Variants in SHANK2 observed in about 807,000 individuals in gnomAD.
SHANK2 encodes SH3 and multiple ankyrin repeat domains 2, also known as SH3 and multiple ankyrin repeat domains protein 2.
A neutral mutation model predicts 133.7 loss-of-function variants in SHANK2; 43 were observed. The ratio of observed to expected loss-of-function variants is 0.32; its 90% CI spans 0.25 to 0.41. The LOEUF (loss-of-function observed/expected upper bound fraction) is 0.41. SHANK2 is among the 10% of genes least tolerant of loss of function. SHANK2 has a pLI of 1.00. For missense variants in SHANK2, 1,994 were observed against 2,235.8 expected (o/e 0.89, Z 2.18); for synonymous variants, 1,017 against 952.8 (o/e 1.07, Z -1.24).
chr11:70,472,515 G>A lies in SHANK2; in HGVS notation c.*354C>T, dbSNP rs2058609051. 1 of 369,414 alleles carries A rather than the reference G, an allele frequency of 2.7e-6. No individual in the cohort carries two copies. The highest frequency in any genetic ancestry group is 5.2e-6 in the Non-Finnish European group (1 of 193,398). The allele number at this position is 369,414 out of a possible 1,614,324, so 22.9% of individuals were successfully genotyped here. Reference sequence around the variant, plus strand: ...CAGGAGGTATCTAGAGTGCACTGGTGTCTGCCTACAAGAGCTAGGATCCCG... The same window carrying A: ...CAGGAGGTATCTAGAGTGCACTGGTATCTGCCTACAAGAGCTAGGATCCCG... On this transcript the variant is annotated 3_prime_UTR_variant, in exon 26 of 26. Coordinates refer to ENST00000601538, the MANE Select transcript of SHANK2 (RefSeq NM_012309.5). The surrounding 1 kb of genome is among the most constrained non-coding windows in gnomAD (Gnocchi z 4.4).
intron 10 of SHANK2, among the ~76,000 whole-genome samples, chr11:70,932,857 A>G (rs1344590827): frequency 6.6e-6 from 1 of 152,254 alleles, no homozygotes; most frequent in Non-Finnish European, 1.5e-5. Flanking sequence ...AAGGAAAAAG[A>G]AAATTACAAG....
rs1482969265 is a variant in SHANK2, at chr11:70,569,863, G to A, written c.2062-66932C>T. 2.0e-5 allele frequency among the ~76,000 whole-genome samples: 3 copies of A among 152,114 alleles called. No individual in the cohort carries two copies. The highest frequency in any genetic ancestry group is 7.2e-5 in the African/African-American group (3 of 41,404). Reference sequence around the variant, plus strand: ...GGCCGGCACAAAGAAGCAAGGGCAGGAGGTCAGTACGAGGAGACGGGGACG... The same window carrying A: ...GGCCGGCACAAAGAAGCAAGGGCAGAAGGTCAGTACGAGGAGACGGGGACG... On this transcript the variant is annotated intron_variant, in intron 17 of 25. Coordinates refer to ENST00000601538, the MANE Select transcript of SHANK2 (RefSeq NM_012309.5). The surrounding 1 kb of genome is among the most constrained non-coding windows in gnomAD (Gnocchi z 5.1).
chr11:70,492,977 G>A (rs2058916482), intron 21 of SHANK2, among the ~76,000 whole-genome samples: 2 of 151,630 alleles, frequency 1.3e-5, no homozygotes, highest in African/African-American at 4.8e-5. Flanking sequence ...TGTATTTTTA[G>A]TAGAGACGGA....
At chr11:70,594,641 G>A (rs558143046) in intron 17 of SHANK2, among the ~76,000 whole-genome samples, 3 of 152,180 alleles carry the variant, frequency 2.0e-5, no homozygotes, top group African/African-American at 7.2e-5. Context: ...TGGGTCCAGG[G>A]TTTCATTCTA....
At chr11:71,199,495 G>C (rs1264320176) in intron 2 of SHANK2, among the ~76,000 whole-genome samples, 1 of 152,238 alleles carries the variant, frequency 6.6e-6, no homozygotes, top group Admixed American at 6.5e-5. Context: ...GCCCCAGGAA[G>C]AGGCACTTCA....
intron 17 of SHANK2, among the ~76,000 whole-genome samples, chr11:70,606,965 T>C (rs2060587326): frequency 6.6e-6 from 1 of 152,200 alleles, no homozygotes; most frequent in Admixed American, 6.5e-5. Flanking sequence ...TCATGTCGTC[T>C]GTGTCTGCAG....
intron 2 of SHANK2, among the ~76,000 whole-genome samples, chr11:71,203,150 A>G (rs1470195796): frequency 6.6e-6 from 1 of 152,124 alleles, no homozygotes; most frequent in Non-Finnish European, 1.5e-5. Context: ...ACACCAGCGT[A>G]ATGACCATCT....
rs2000604 is a variant in SHANK2, at chr11:70,531,951, G to A, written c.2062-29020C>T. Among the ~76,000 whole-genome samples the A allele has an allele frequency of 2.3e-3, 350 of 152,272 alleles. 2 individuals are homozygous for A. The highest frequency in any genetic ancestry group is 5.2e-3 in the South Asian group (25 of 4,822). On this transcript the variant is annotated intron_variant, in intron 17 of 25. Transcript: ENST00000601538. ...GACCAGATCTCTCCTTGTCTGCCTG[G>A]ACCGTGGTGTGTAGTGACAGTTCTG...
intron 14 of SHANK2, among the ~76,000 whole-genome samples, chr11:70,735,128 C>T (rs558693505): frequency 1.3e-5 from 2 of 152,164 alleles, no homozygotes; most frequent in Non-Finnish European, 2.9e-5. Flanking sequence ...GGCAGGTTTT[C>T]GGGACTCTGC....
chr11:70,661,921 G>C (rs1309090930), intron 15 of SHANK2: 1 of 1,013,242 alleles, frequency 9.9e-7, no homozygotes, highest in Non-Finnish European at 1.5e-6. Flanking sequence ...CAGAGCCGGA[G>C]CCAGCCGGAG....
At chr11:70,871,706 C>G (rs1449162518) in intron 11 of SHANK2, among the ~76,000 whole-genome samples, 1 of 152,158 alleles carries the variant, frequency 6.6e-6, no homozygotes, top group African/African-American at 2.4e-5. Context: ...CCAGACACAC[C>G]TGGTACTCAG....
chr11:70,743,938 C>T lies in SHANK2; in HGVS notation c.1778-45175G>A, dbSNP rs532503429. On this transcript the variant is annotated intron_variant, in intron 14 of 25. Transcript: ENST00000601538. The stretch of plus-strand genomic sequence containing the variant: ...CCTCAGGGTCCTCTTCCTAAGACCC[C>T]GTCCACTGCACCTCCTTCTGCCTGC... Among the ~76,000 whole-genome samples, 34 of 152,310 alleles carry T rather than the reference C, an allele frequency of 2.2e-4. 1 individual carries two copies. Among genetic ancestry groups the T allele is most frequent in the Admixed American group, 2.0e-3 (31 of 15,300 alleles).
intron 10 of SHANK2, among the ~76,000 whole-genome samples, chr11:70,904,022 A>T (rs1555077403): frequency 6.6e-6 from 1 of 151,882 alleles, no homozygotes; most frequent in Non-Finnish European, 1.5e-5. Context: ...CCAAACCCCT[A>T]ATCTGTATTA....
At chr11:71,085,998 T>C (rs1206100925) in intron 8 of SHANK2, among the ~76,000 whole-genome samples, 148 of 86,902 alleles carry the variant, frequency 1.7e-3, no homozygotes, top group Non-Finnish European at 2.8e-3. Context: ...TTATATTATG[T>C]TATATATTAT....
At chr11:71,164,241 C>T (rs1413287468) in intron 2 of SHANK2, among the ~76,000 whole-genome samples, 2 of 152,254 alleles carry the variant, frequency 1.3e-5, no homozygotes, top group Middle Eastern at 3.4e-3. Context: ...TCTTAAAATC[C>T]CAGTACCTGG....
chr11:70,506,218 C>T (rs1029192138), intron 17 of SHANK2, among the ~76,000 whole-genome samples: 38 of 152,210 alleles, frequency 2.5e-4, no homozygotes, highest in African/African-American at 9.2e-4. Context: ...GTTCTGGTGG[C>T]ACCTCCACAC....
In SHANK2 at chr11:71,056,835, A is replaced by G. The variant is rs985854328; in HGVS notation, c.1030-277T>C. ...CAATAAATGAAATATCTTCAGTAAA[A>G]TACAGAAAGGAAGAAAGAAGAAAGA... On this transcript the variant is annotated intron_variant, in intron 9 of 25. Coordinates refer to ENST00000601538, the MANE Select transcript of SHANK2 (RefSeq NM_012309.5). 8.8e-3 allele frequency among the ~76,000 whole-genome samples: 1,343 copies of G among 152,226 alleles called. 17 individuals are homozygous for G. Among genetic ancestry groups the G allele is most frequent in the African/African-American group, 0.028 (1,169 of 41,538 alleles).
chr11:71,195,070 T>C (rs1297713015), intron 2 of SHANK2, among the ~76,000 whole-genome samples: 1 of 152,222 alleles, frequency 6.6e-6, no homozygotes, highest in Non-Finnish European at 1.5e-5. Flanking sequence ...ACTTTTTACG[T>C]AGGGCACCTA....
At chr11:70,690,678 T>TAAATATAAATAC (rs1945269356) in intron 15 of SHANK2, among the ~76,000 whole-genome samples, 1 of 141,042 alleles carries the variant, frequency 7.1e-6, no homozygotes, top group Non-Finnish European at 1.5e-5. Context: ...CCCATAAATA[T>TAAATATAAATAC]AAATATAAAT....
Sources: gnomAD v4.1 joint callset for allele counts (sites outside exome capture counted in the v4.1 genomes callset) on GRCh38, gnomAD v4.1.1 for gene constraint, Gnocchi (gnomAD v3.1) non-coding constraint, MANE v1.5 for transcripts, NCBI Gene and HGNC (gene_info 2026-07-23, HGNC 2026-07-21) for gene names.